OVCH1: variants seen among roughly 807,000 people sequenced by gnomAD.
The protein encoded by OVCH1 is ovochymase 1.
In OVCH1, 139 loss-of-function variants were observed where a neutral mutation model predicts 138.4. That is an observed-to-expected ratio of 1.00 (90% CI 0.87 to 1.16). The LOEUF (loss-of-function observed/expected upper bound fraction) is 1.16. OVCH1 is among the 50% of genes most tolerant of loss of function. The pLI is 0.00. For missense variants in OVCH1, 1,367 were observed against 1,357.9 expected, an observed-to-expected ratio of 1.01 and a Z score of -0.11; for synonymous variants, 453 against 467.8, an observed-to-expected ratio of 0.97 and a Z score of 0.41.
At chr12:29,454,641 G>C (rs1270323891) in intron 21 of OVCH1, among the ~76,000 whole-genome samples, 200 bp downstream of exon 21, 2 of 152,076 alleles carry the variant, frequency 1.3e-5, no homozygotes, top group Non-Finnish European at 2.9e-5. Context: ...TTAAAAATCT[G>C]CAACAGGTCT....
intron 5 of OVCH1, among the ~76,000 whole-genome samples, chr12:29,490,012 T>G (rs1943231571): frequency 6.6e-6 from 1 of 152,120 alleles, no homozygotes; most frequent in Admixed American, 6.5e-5. Flanking sequence ...TCTAAACAAA[T>G]GCTTAAATGT....
At chr12:29,448,170 C>A (rs1941670333) in intron 22 of OVCH1, among the ~76,000 whole-genome samples, 1 of 146,520 alleles carries the variant, frequency 6.8e-6, no homozygotes, top group Admixed American at 7.0e-5. Context: ...ATCCTAGATC[C>A]TTGGCATGTG....
chr12:29,486,117 G>A (rs187124001), intron 8 of OVCH1, 133 bp downstream of exon 8: 2 of 853,078 alleles, frequency 2.3e-6, no homozygotes, highest in African/African-American at 3.5e-5. Flanking sequence ...ATGAATATGA[G>A]CAGGGCTTTT....
chr12:29,478,181 T>C (rs1486197833), intron 9 of OVCH1, among the ~76,000 whole-genome samples: 1 of 152,166 alleles, frequency 6.6e-6, no homozygotes, highest in Non-Finnish European at 1.5e-5. Context: ...TTTATGTAGC[T>C]TATAAGAGGT....
chr12:29,452,697 A>T lies in OVCH1; in HGVS notation c.2531-1128T>A, dbSNP rs546334237. Among the ~76,000 whole-genome samples the T allele has an allele frequency of 3.9e-5, 6 of 152,298 alleles. No homozygotes were observed. The South Asian group carries it at 1.0e-3, about 26-fold the overall frequency. On this transcript the variant is annotated intron_variant, in intron 21 of 27. Coordinates refer to ENST00000318184, the Ensembl canonical transcript of OVCH1. ...ATATGAATCCTCTGTGAAAAATCTG[A>T]CCAGAAATCACATACAGCCATGAAT...
chr12:29,468,259 C>T (rs921241820), intron 16 of OVCH1, among the ~76,000 whole-genome samples: 2 of 152,108 alleles, frequency 1.3e-5, no homozygotes, highest in African/African-American at 2.4e-5. Flanking sequence ...TGCTTGATAA[C>T]CTTCTCTAAC....
exon 2 of OVCH1, chr12:29,496,662 C>T: frequency 1.2e-6 from 2 of 1,611,308 alleles, no homozygotes; most frequent in Non-Finnish European, 1.7e-6. Flanking sequence ...CATGCGAATT[C>T]CACACTTCAG....
intron 8 of OVCH1, among the ~76,000 whole-genome samples, chr12:29,481,099 T>C (rs1942916906): frequency 6.6e-6 from 1 of 151,916 alleles, no homozygotes. Context: ...GGCCTATACT[T>C]GAGGTGTGAA....
chr12:29,418,439 A>G (rs899809339), intron 3 of OVCH1, among the ~76,000 whole-genome samples: 2 of 152,224 alleles, frequency 1.3e-5, no homozygotes, highest in African/African-American at 2.4e-5. Context: ...CCATGAAAGT[A>G]TGTGTTTATA....
chr12:29,476,414 T>G (rs1015468430), intron 12 of OVCH1, 115 bp from the exon 13 acceptor site: 7 of 828,838 alleles, frequency 8.4e-6, no homozygotes, highest in Middle Eastern at 3.2e-4. Context: ...TGCCTTCACA[T>G]AGAAGTGTAA....
At chr12:29,443,274 G>T in intron 25 of OVCH1, 87 bp downstream of exon 25, 1 of 1,341,556 alleles carries the variant, frequency 7.5e-7, no homozygotes, top group Non-Finnish European at 1.0e-6. Flanking sequence ...TATGTCACAT[G>T]TAAGCCACAT....
downstream of OVCH1, among the ~76,000 whole-genome samples, chr12:29,407,666 A>G (rs993719853): frequency 6.6e-6 from 1 of 152,006 alleles, no homozygotes; most frequent in Admixed American, 6.6e-5. Context: ...ATTGGTCTCT[A>G]TCTCTGTTTT....
At chr12:29,447,511 G>A (rs61918680) in intron 22 of OVCH1, among the ~76,000 whole-genome samples, 29,185 of 152,014 alleles carry the variant, frequency 0.19, 3,490 homozygotes, top group Middle Eastern at 0.28. Context: ...AAAAGAAAAC[G>A]GTCCGAGTCC....
chr12:29,415,778 G>A (rs1364687727), intron 3 of OVCH1, among the ~76,000 whole-genome samples: 2 of 152,088 alleles, frequency 1.3e-5, no homozygotes, highest in African/African-American at 4.8e-5. Context: ...TCACAGCAAG[G>A]GCTGTTGTAG....
At chr12:29,431,661 A>G (rs1941271243) in intron 27 of OVCH1, among the ~76,000 whole-genome samples, 1 of 151,982 alleles carries the variant, frequency 6.6e-6, no homozygotes, top group Admixed American at 6.5e-5. Context: ...TAGACATATC[A>G]TAATTTCTCA....
chr12:29,423,924 C>G (rs1262956936), downstream of OVCH1, among the ~76,000 whole-genome samples: 1 of 152,008 alleles, frequency 6.6e-6, no homozygotes, highest in Non-Finnish European at 1.5e-5. Context: ...GTAGAACCAA[C>G]AAATAACCTG....
At chr12:29,470,009 C>T (rs888484771) in intron 16 of OVCH1, among the ~76,000 whole-genome samples, 3 of 152,112 alleles carry the variant, frequency 2.0e-5, no homozygotes, top group African/African-American at 7.2e-5. Context: ...AAACAAATTA[C>T]AGTTATACAC....
chr12:29,484,486 C>T (rs1254056941), intron 8 of OVCH1, among the ~76,000 whole-genome samples: 1 of 152,080 alleles, frequency 6.6e-6, no homozygotes, highest in African/African-American at 2.4e-5. Flanking sequence ...ACTGGAGATA[C>T]CAGATAAAAA....
intron 22 of OVCH1, among the ~76,000 whole-genome samples, chr12:29,449,580 C>A (rs1480346496): frequency 6.6e-6 from 1 of 152,110 alleles, no homozygotes; most frequent in African/African-American, 2.4e-5. Context: ...TCCTTCACAT[C>A]CCTTGTAACT....
Sources: allele counts gnomAD v4.1 joint callset (sites outside exome capture counted in the v4.1 genomes callset), GRCh38; gene constraint gnomAD v4.1.1; transcripts MANE v1.5; gene names NCBI Gene and HGNC (gene_info 2026-07-23, HGNC 2026-07-21).